FLNB: variants seen among roughly 807,000 people sequenced by gnomAD.
FLNB encodes the protein filamin B.
A neutral mutation model predicts 250.6 loss-of-function variants in FLNB; 111 were observed. The observed-to-expected ratio is 0.44, with a 90% CI of 0.38 to 0.52. FLNB has a LOEUF of 0.52. Ranked by LOEUF, FLNB falls within the 20% of genes least tolerant of loss-of-function variation. The pLI, the probability that FLNB is intolerant of heterozygous loss-of-function variation, is 0.00. For missense variants in FLNB, 2,869 were observed against 3,447.8 expected (o/e 0.83, Z 4.20); for synonymous variants, 1,302 against 1,372.1 (o/e 0.95, Z 1.13).
Position 58,081,744 on chromosome 3 carries a change from T to C in FLNB, c.755T>C (p.Leu252Pro). 3 of 1,614,040 alleles carry C rather than the reference T, an allele frequency of 1.9e-6. No individual in the cohort carries two copies. Among genetic ancestry groups the C allele is most frequent in the Non-Finnish European group, 1.7e-6 (2 of 1,180,002 alleles). The change falls in exon 4 of 46, where the codon CTC becomes CCC. Residue 252 changes from leucine to proline, a missense_variant. Leu to Pro is a moderately conservative substitution (Grantham distance 98). This residue lies in a region of FLNB where 308 missense variants were observed against 466.1 expected (regional missense o/e 0.66). Transcript: ENST00000295956. ...CCGGGGGCTCCTCTCAAACCCAAAC[T>C]CAACCCGAAGAAAGCCAGGGCCTAT... ...LKPGAPLKPK[L>P]NPKKARAYGR... is the part of the protein sequence containing the mutation.
At position 58,112,080 on chromosome 3, in the gene FLNB, T is replaced by C. The variant is rs2097269753; in HGVS notation, c.2576-69T>C. The C allele has an allele frequency of 2.0e-6, 3 of 1,481,092 alleles. No individual in the cohort carries two copies. In the East Asian group the frequency reaches 6.8e-5, roughly 33 times the overall value. 91.7% of individuals were successfully genotyped at this position (1,481,092 alleles called of 1,614,324 possible). A position where few individuals can be genotyped will look rare whatever the true frequency, so the allele number is the denominator to read the frequency against. On this transcript the variant is annotated intron_variant, in intron 17 of 45. Coordinates refer to ENST00000295956, the MANE Select transcript of FLNB (RefSeq NM_001457.4). ...AATAGACCTGGTGCTGTTGAACCTG[T>C]CTGACGGGTTCTCAAAGTGAAACTA...
Position 58,113,671 on chromosome 3 carries a change from T to C in FLNB, c.2745+1353T>C, listed in dbSNP as rs76267999. Among the ~76,000 whole-genome samples the C allele has an allele frequency of 2.5e-3, 375 of 152,314 alleles. 3 individuals are homozygous for C. The highest frequency in any genetic ancestry group is 8.7e-3 in the African/African-American group (361 of 41,568). ...TGCTGTTTGTGCTTTCTTCCCCAAATTTTTATTTTTATTTATTTATTTTTT... is the reference window on the plus strand; with the variant it reads ...TGCTGTTTGTGCTTTCTTCCCCAAACTTTTATTTTTATTTATTTATTTTTT... On this transcript the variant is annotated intron_variant, in intron 18 of 45. Coordinates refer to ENST00000295956, the MANE Select transcript of FLNB (RefSeq NM_001457.4).
chr3:58,108,315 C>G, intron 12 of FLNB, 143 bp from the exon 13 acceptor site: 1 of 691,288 alleles, frequency 1.4e-6, no homozygotes, highest in African/African-American at 1.8e-5. Context: ...ACTTTACTTC[C>G]CATAACCAAC....
chr3:58,095,073 C>A, intron 5 of FLNB, 119 bp downstream of exon 5: 1 of 848,620 alleles, frequency 1.2e-6, no homozygotes, highest in Non-Finnish European at 2.0e-6. Context: ...GTGTTTTTTA[C>A]CAAAAGGATA....
chr3:58,056,314 G>A (rs9869830), intron 1 of FLNB, among the ~76,000 whole-genome samples: 3,712 of 151,722 alleles, frequency 0.024, 124 homozygotes, highest in African/African-American at 0.085. Context: ...TGTTGACCAG[G>A]CTAGTCTCGA....
chr3:58,157,769 A>C (rs2097355511), intron 41 of FLNB, among the ~76,000 whole-genome samples: 1 of 152,218 alleles, frequency 6.6e-6, no homozygotes, highest in Non-Finnish European at 1.5e-5. Context: ...CAGGTAATGT[A>C]AATGATTCTG....
chr3:58,111,591 G>C (rs968084887), intron 16 of FLNB, among the ~76,000 whole-genome samples, 200 bp from the exon 17 acceptor site: 1 of 152,298 alleles, frequency 6.6e-6, no homozygotes, highest in African/African-American at 2.4e-5. Flanking sequence ...AGGCATTAGA[G>C]AGTGACCTGT....
intron 26 of FLNB, 27 bp from the exon 27 acceptor site, chr3:58,134,589 A>C: frequency 6.2e-7 from 1 of 1,607,628 alleles, no homozygotes; most frequent in Non-Finnish European, 8.5e-7. Flanking sequence ...TTTATTGACT[A>C]GGGTGTGTGT....
chr3:58,092,593 C>T lies in FLNB; in HGVS notation c.788-2243C>T, dbSNP rs142619112. ...CCTGGGAGGTCGAGGTTGCAGTGAGCCGTAATTGTGCCACTGTGCTCCAGC... is the reference window on the plus strand; with the variant it reads ...CCTGGGAGGTCGAGGTTGCAGTGAGTCGTAATTGTGCCACTGTGCTCCAGC... On this transcript the variant is annotated intron_variant, in intron 4 of 45. Transcript: ENST00000295956. Among the ~76,000 whole-genome samples, 892 of 152,212 alleles carry T rather than the reference C, an allele frequency of 5.9e-3. 4 individuals carry two copies. The highest frequency in any genetic ancestry group is 0.011 in the Non-Finnish European group (723 of 68,010).
chr3:58,138,180 TA>T, intron 28 of FLNB, 101 bp from the exon 29 acceptor site: 1 of 1,529,974 alleles, frequency 6.5e-7, no homozygotes, highest in Non-Finnish European at 9.0e-7. Flanking sequence ...GTTGGAGGCC[TA>T]ACATTTACAG....
At chr3:58,060,385 G>A (rs923099743) in intron 1 of FLNB, among the ~76,000 whole-genome samples, 4 of 141,174 alleles carry the variant, frequency 2.8e-5, no homozygotes, top group South Asian at 2.2e-4. Context: ...ATGGAGTCTC[G>A]CTCTGTTGCC....
chr3:58,087,999 A>C (rs1173132753), intron 4 of FLNB, among the ~76,000 whole-genome samples: 2 of 148,600 alleles, frequency 1.3e-5, no homozygotes, highest in Non-Finnish European at 3.0e-5. Flanking sequence ...CTTGGCCTCG[A>C]AAGTGCTGAG....
At chr3:58,143,273 G>A (rs551971609) in intron 31 of FLNB, among the ~76,000 whole-genome samples, 200 bp from the exon 32 acceptor site, 47 of 150,848 alleles carry the variant, frequency 3.1e-4, no homozygotes, top group African/African-American at 1.1e-3. Context: ...GCTATATTTT[G>A]TGGAAGCCAA....
intron 1 of FLNB, among the ~76,000 whole-genome samples, chr3:58,039,137 C>A (rs1449262266): frequency 6.8e-6 from 1 of 147,788 alleles, no homozygotes; most frequent in Non-Finnish European, 1.5e-5. Context: ...AAGGAATGAA[C>A]CATTGTGCCA....
At chr3:58,128,907 C>T (rs979798239) in intron 24 of FLNB, among the ~76,000 whole-genome samples, 1 of 152,126 alleles carries the variant, frequency 6.6e-6, no homozygotes, top group Non-Finnish European at 1.5e-5. Context: ...CTCTCTGTTG[C>T]CTCCCAGAGA....
At chr3:58,160,142 A>G (rs1484449578) in intron 42 of FLNB, among the ~76,000 whole-genome samples, 1 of 152,248 alleles carries the variant, frequency 6.6e-6, no homozygotes, top group African/African-American at 2.4e-5. Flanking sequence ...GACATTCATC[A>G]TAATTTTTCT....
In FLNB at chr3:58,133,239, C is replaced by T. The variant is rs79233046; in HGVS notation, c.4514+308C>T. On this transcript the variant is annotated intron_variant, in intron 26 of 45. Coordinates refer to ENST00000295956, the MANE Select transcript of FLNB (RefSeq NM_001457.4). ...CACTAGCCTTGATATTTGTGGCTCC[C>T]GCTCTCTCACTCCCCCAGTTCCTTT... is the stretch of plus-strand genomic sequence containing the variant. 0.027 allele frequency among the ~76,000 whole-genome samples: 4,151 copies of T among 152,182 alleles called. 192 individuals are homozygous for T. Among genetic ancestry groups the T allele is most frequent in the African/African-American group, 0.095 (3,923 of 41,498 alleles).
chr3:58,140,032 G>A (rs2097323963), intron 29 of FLNB, among the ~76,000 whole-genome samples: 1 of 152,198 alleles, frequency 6.6e-6, no homozygotes, highest in Admixed American at 6.5e-5. Context: ...CCTGACCACT[G>A]CTGAAGGCAG....
At chr3:58,017,417 A>C (rs1490075362) in intron 1 of FLNB, among the ~76,000 whole-genome samples, 2 of 151,906 alleles carry the variant, frequency 1.3e-5, no homozygotes, top group African/African-American at 4.8e-5. Context: ...CACCTGGATA[A>C]TTTTTTTGCA....
Sources: gnomAD v4.1 joint callset for allele counts (sites outside exome capture counted in the v4.1 genomes callset) on GRCh38, gnomAD v4.1.1 for gene constraint, gnomAD v4.1.1 regional missense constraint, MANE v1.5 for transcripts, NCBI Gene and HGNC (gene_info 2026-07-23, HGNC 2026-07-21) for gene names.